The following HERC2 variants were observed in gnomAD, a reference collection of about 807,000 sequenced individuals.
The protein encoded by HERC2 is E3 ubiquitin-protein ligase HERC2.
A neutral mutation model predicts 537.7 loss-of-function variants in HERC2; 102 were observed. The ratio of observed to expected loss-of-function variants is 0.19; its 90% CI spans 0.16 to 0.22. HERC2 has a LOEUF of 0.22. Ranked by LOEUF, HERC2 falls within the 10% of genes least tolerant of loss-of-function variation. The pLI, the probability that HERC2 is intolerant of heterozygous loss-of-function variation, is 1.00. For missense variants in HERC2, 4,236 were observed against 6,198.2 expected (o/e 0.68, Z 10.63); for synonymous variants, 2,224 against 2,466.2 (o/e 0.90, Z 2.91).
At chr15:28,251,237 G>A (rs1355165613) in intron 20 of HERC2, among the ~76,000 whole-genome samples, 2 of 152,054 alleles carry the variant, frequency 1.3e-5, no homozygotes, top group Non-Finnish European at 2.9e-5. Context: ...CAGGTTGGGA[G>A]TTCAAGACCA....
intron 56 of HERC2, among the ~76,000 whole-genome samples, chr15:28,186,170 C>T (rs1896290805): frequency 6.6e-6 from 1 of 151,780 alleles, no homozygotes; most frequent in African/African-American, 2.4e-5. Flanking sequence ...ATATATTTCA[C>T]CATAATAAAA....
At chr15:28,279,728 A>G (rs1024375170) in intron 5 of HERC2, among the ~76,000 whole-genome samples, 7 of 152,048 alleles carry the variant, frequency 4.6e-5, no homozygotes, top group African/African-American at 2.4e-5. Context: ...CGGGAGGATC[A>G]CTAGAGCCCT....
intron 20 of HERC2, among the ~76,000 whole-genome samples, chr15:28,250,099 A>C (rs1389657928): frequency 6.8e-6 from 1 of 147,466 alleles, no homozygotes; most frequent in Non-Finnish European, 1.5e-5. Flanking sequence ...TCTCTGCACA[A>C]CACCAAGAGT....
At chr15:28,231,417 G>A (rs1429327004) in intron 30 of HERC2, among the ~76,000 whole-genome samples, 1 of 152,126 alleles carries the variant, frequency 6.6e-6, no homozygotes, top group Non-Finnish European at 1.5e-5. Context: ...TGGGACTTGC[G>A]AGGGACCACT....
intron 52 of HERC2, among the ~76,000 whole-genome samples, chr15:28,194,092 A>C (rs1361769685): frequency 6.7e-6 from 1 of 149,960 alleles, no homozygotes; most frequent in African/African-American, 2.4e-5. Context: ...TTGAGACAGA[A>C]TCTCCCTCTG....
intron 20 of HERC2, among the ~76,000 whole-genome samples, chr15:28,250,215 A>G (rs747735703): frequency 5.9e-5 from 9 of 152,204 alleles, no homozygotes; most frequent in Non-Finnish European, 8.8e-5. Context: ...TACCAGCAGC[A>G]TGAGTAAGGA....
intron 16 of HERC2, among the ~76,000 whole-genome samples, chr15:28,260,193 A>G (rs1331576435): frequency 6.6e-6 from 1 of 151,954 alleles, no homozygotes; most frequent in Non-Finnish European, 1.5e-5. Flanking sequence ...AAAAAAAAAA[A>G]TGTTTAAGAA....
intron 2 of HERC2, among the ~76,000 whole-genome samples, chr15:28,304,914 G>A (rs1308625151): frequency 5.1e-5 from 7 of 136,024 alleles, no homozygotes; most frequent in African/African-American, 8.2e-5. Context: ...CCCTTCCTGT[G>A]ACCATGTGAT....
intron 6 of HERC2, 123 bp from the exon 7 acceptor site, chr15:28,274,570 A>C: frequency 3.0e-6 from 3 of 986,952 alleles, no homozygotes; most frequent in Non-Finnish European, 4.4e-6. Context: ...ACAGGCCAAA[A>C]TCTAGCGCAG....
At chr15:28,167,576 G>A (rs1596107570) in intron 68 of HERC2, 111 bp downstream of exon 68, 16 of 1,310,344 alleles carry the variant, frequency 1.2e-5, no homozygotes, top group Middle Eastern at 1.9e-4. Flanking sequence ...GTGGACAGCC[G>A]AGGTGAATGG....
chr15:28,138,805 C>A (rs774722693), intron 78 of HERC2, among the ~76,000 whole-genome samples: 1 of 152,162 alleles, frequency 6.6e-6, no homozygotes, highest in Non-Finnish European at 1.5e-5. Flanking sequence ...GACAGTGATT[C>A]CTCTAACGGA....
At chr15:28,163,387 G>C in intron 68 of HERC2, 102 bp from the exon 69 acceptor site, 2 of 1,040,432 alleles carry the variant, frequency 1.9e-6, no homozygotes, top group South Asian at 3.1e-5. Context: ...GAATACCAAC[G>C]AGTAAGAAAC....
Position 28,229,949 on chromosome 15 carries a change from A to G in HERC2, c.4810-102T>C. ...AAATATAAATAATGCTCATAGGTTT[A>G]AATTGGTTAAATTTAGTAATACATG... On this transcript the variant is annotated intron_variant, in intron 31 of 92. Transcript: ENST00000261609. 5 of 856,906 alleles carry G rather than the reference A, an allele frequency of 5.8e-6. No homozygotes were observed. In the South Asian group the frequency reaches 8.1e-5, roughly 14 times the overall value. The allele number at this position is 856,906 out of a possible 1,614,324, so 53.1% of individuals were successfully genotyped here.
chr15:28,285,040 A>C (rs1382421626), intron 4 of HERC2, among the ~76,000 whole-genome samples: 1 of 152,024 alleles, frequency 6.6e-6, no homozygotes, highest in Non-Finnish European at 1.5e-5. Context: ...TGCATACACC[A>C]AACAAACAAA....
At chr15:28,145,299 G>A (rs1891622588) in intron 71 of HERC2, among the ~76,000 whole-genome samples, 1 of 152,238 alleles carries the variant, frequency 6.6e-6, no homozygotes, top group African/African-American at 2.4e-5. Flanking sequence ...AGAGGGCCTG[G>A]CTGCTGTGGA....
chr15:28,256,256 A>T lies in HERC2; in HGVS notation c.2579T>A (p.Ile860Asn), dbSNP rs761075514. ...PEFLGLGLGS[I>N]LLNSLKQTVV... ...CGTCTGCTTCAGGCTGTTCAGGAGG[A>T]TGCTGCCCAGACCTAAACCAAGGAA... Residue 860 changes from isoleucine to asparagine, a missense_variant, in exon 18 of 93, where the codon ATC (isoleucine) becomes AAC (asparagine). Ile to Asn is a moderately radical substitution (Grantham distance 149). Around this residue, in one of 27 missense-constraint regions of HERC2, gnomAD observed 754 missense variants for 1,085.0 expected, o/e 0.69. Coordinates refer to ENST00000261609, the MANE Select transcript of HERC2 (RefSeq NM_004667.6). 1 of 1,598,470 alleles carries T rather than the reference A, an allele frequency of 6.3e-7. No homozygotes were observed.
intron 9 of HERC2, chr15:28,271,967 C>G: frequency 1.9e-6 from 1 of 516,524 alleles, no homozygotes. Context: ...TTGTTCTTTT[C>G]TGGTATTTAT....
rs929920137 is a variant in HERC2 at position 28,265,467 on chromosome 15, G to C, written c.1870+151C>G. On this transcript the variant is annotated intron_variant, in intron 14 of 92. Transcript: ENST00000261609. This position sits in a 1 kb window ranked among gnomAD's most constrained non-coding sequence, Gnocchi z 4.0. Reference sequence around the variant, plus strand: ...AGGCAAACAAGCCCAGTAACCACCCGGGCCTCTTCCCCAATGCCACTGAGC... The same window carrying C: ...AGGCAAACAAGCCCAGTAACCACCCCGGCCTCTTCCCCAATGCCACTGAGC... 3.0e-5 allele frequency: 19 copies of C among 630,994 alleles called. No individual in the cohort carries two copies. The African/African-American group carries it at 3.5e-4, about 12-fold the overall frequency. The allele number at this position is 630,994 out of a possible 1,614,324, so 39.1% of individuals were successfully genotyped here.
At chr15:28,270,510 C>T (rs1269922434) in intron 10 of HERC2, among the ~76,000 whole-genome samples, 185 bp downstream of exon 10, 1 of 152,046 alleles carries the variant, frequency 6.6e-6, no homozygotes, top group Non-Finnish European at 1.5e-5. Context: ...GCCTGTGCGC[C>T]TCAGCTTGCT....
Sources: allele counts gnomAD v4.1 joint callset (sites outside exome capture counted in the v4.1 genomes callset), GRCh38; gene constraint gnomAD v4.1.1; regional missense constraint gnomAD v4.1.1; non-coding constraint Gnocchi (gnomAD v3.1); transcripts MANE v1.5; gene names NCBI Gene and HGNC (gene_info 2026-07-23, HGNC 2026-07-21).